The following STARD3NL variants were observed in gnomAD, a reference collection of about 807,000 sequenced individuals.
STARD3NL encodes the protein STARD3 N-terminal-like protein.
STARD3NL carries 17 observed loss-of-function variants against 30.9 expected under a neutral mutation model. That is an observed-to-expected ratio of 0.55 (90% CI 0.38 to 0.82). The LOEUF (loss-of-function observed/expected upper bound fraction) is 0.82, where lower values mean the gene tolerates loss of function less well. Ranked by LOEUF, STARD3NL falls within the 40% of genes least tolerant of loss-of-function variation. The pLI is 0.00. For synonymous variants in STARD3NL, 112 were observed against 100.5 expected, an observed-to-expected ratio of 1.11 and a Z score of -0.69; for missense variants, 234 against 277.6, an observed-to-expected ratio of 0.84 and a Z score of 1.12.
In STARD3NL at chr7:38,229,985, C is replaced by G. The variant is rs1284054264; in HGVS notation, c.*80C>G. ...GAGGCAGGCAGTGGAGTCTCCCTGTCGACAGTAAAGTTGAAATGGTGACGT... is the reference window on the plus strand; with the variant it reads ...GAGGCAGGCAGTGGAGTCTCCCTGTGGACAGTAAAGTTGAAATGGTGACGT... On this transcript the variant is annotated 3_prime_UTR_variant, in exon 9 of 9. Transcript: ENST00000009041. 6.6e-6 allele frequency: 1 copy of G among 152,596 alleles called. No homozygotes were observed. The highest frequency in any genetic ancestry group is 1.5e-5 in the Non-Finnish European group (1 of 68,042). The allele number at this position is 152,596 out of a possible 1,614,324, so 9.5% of individuals were successfully genotyped here.
chr7:38,189,110 C>T (rs1784579382), intron 1 of STARD3NL, among the ~76,000 whole-genome samples: 1 of 139,988 alleles, frequency 7.1e-6, no homozygotes, highest in African/African-American at 2.6e-5. Flanking sequence ...CTTTAACAGG[C>T]AGCCTTGGAT....
chr7:38,210,491 C>T (rs887909759), intron 2 of STARD3NL, among the ~76,000 whole-genome samples: 1 of 152,164 alleles, frequency 6.6e-6, no homozygotes, highest in Non-Finnish European at 1.5e-5. Context: ...CTCGGTGAGC[C>T]AGAGAAGCCT....
chr7:38,201,092 T>A (rs574698493), intron 1 of STARD3NL, among the ~76,000 whole-genome samples: 1 of 152,318 alleles, frequency 6.6e-6, no homozygotes, highest in South Asian at 2.1e-4. Context: ...ACCAATTAAT[T>A]CACTGGATTA....
At chr7:38,192,010 A>G (rs762765232) in intron 1 of STARD3NL, among the ~76,000 whole-genome samples, 5 of 152,194 alleles carry the variant, frequency 3.3e-5, no homozygotes, top group South Asian at 2.1e-4. Flanking sequence ...CTTCCAATCC[A>G]TGAACATGGT....
chr7:38,227,691 C>T (rs1786854684), intron 7 of STARD3NL, among the ~76,000 whole-genome samples: 1 of 151,966 alleles, frequency 6.6e-6, no homozygotes, highest in Non-Finnish European at 1.5e-5. Flanking sequence ...ATTCCTCTTC[C>T]CTGATTATGA....
chr7:38,186,312 A>AT (rs1345639198), intron 1 of STARD3NL, among the ~76,000 whole-genome samples: 5 of 151,936 alleles, frequency 3.3e-5, no homozygotes, highest in African/African-American at 4.9e-5. Flanking sequence ...GTATTGTGTG[A>AT]TTTTTTAGGA....
intron 1 of STARD3NL, among the ~76,000 whole-genome samples, chr7:38,186,325 G>A (rs1043345772): frequency 2.6e-4 from 40 of 152,166 alleles, no homozygotes; most frequent in African/African-American, 8.7e-4. Flanking sequence ...TTTTAGGACG[G>A]CTAAAAGTAG....
rs200261021 is a variant in STARD3NL, at chr7:38,219,672, G to T, written c.649+12G>T. 7.5e-6 allele frequency: 12 copies of T among 1,606,520 alleles called. No individual in the cohort carries two copies. In the African/African-American group the frequency reaches 9.4e-5, roughly 13 times the overall value. ...TGAATCCGAAGCAGGTAAAAAACTT[G>T]ATTATTATTTGTGCTTGTATCTCTC... On this transcript the variant is annotated intron_variant, in intron 7 of 8. Transcript: ENST00000009041.
chr7:38,212,005 C>G (rs546523170), intron 2 of STARD3NL, among the ~76,000 whole-genome samples: 35 of 152,250 alleles, frequency 2.3e-4, no homozygotes, highest in Admixed American at 9.8e-4. Flanking sequence ...TCCACTGTTT[C>G]CAGCTTCAAC....
chr7:38,223,985 G>A (rs1384604915), intron 7 of STARD3NL, among the ~76,000 whole-genome samples: 1 of 152,072 alleles, frequency 6.6e-6, no homozygotes, highest in Non-Finnish European at 1.5e-5. Flanking sequence ...CTAATCCTAA[G>A]TAACCACTGA....
At chr7:38,202,634 T>C (rs1260269662) in intron 1 of STARD3NL, among the ~76,000 whole-genome samples, 2 of 152,142 alleles carry the variant, frequency 1.3e-5, no homozygotes, top group Non-Finnish European at 2.9e-5. Context: ...GCAGGTTAGT[T>C]ACATATGTAT....
chr7:38,186,253 C>T (rs1167727403), intron 1 of STARD3NL, among the ~76,000 whole-genome samples: 1 of 152,062 alleles, frequency 6.6e-6, no homozygotes, highest in Non-Finnish European at 1.5e-5. Context: ...TCAAAATTGG[C>T]AAAAATAATG....
intron 7 of STARD3NL, 75 bp downstream of exon 7, chr7:38,219,735 C>T: frequency 1.6e-6 from 2 of 1,256,796 alleles, no homozygotes; most frequent in Non-Finnish European, 1.2e-6. Context: ...TCCCTACCCC[C>T]TCTGTTTCTC....
At chr7:38,192,231 G>C (rs1784717539) in intron 1 of STARD3NL, among the ~76,000 whole-genome samples, 1 of 152,052 alleles carries the variant, frequency 6.6e-6, no homozygotes, top group Admixed American at 6.6e-5. Flanking sequence ...TGAAGGAATT[G>C]GTAAATATAT....
At chr7:38,202,815 C>T (rs1251864466) in intron 1 of STARD3NL, among the ~76,000 whole-genome samples, 2 of 148,058 alleles carry the variant, frequency 1.4e-5, no homozygotes, top group Non-Finnish European at 3.0e-5. Context: ...TGAGTGAGAA[C>T]ATGCGGTGTT....
chr7:38,214,518 G>A, intron 3 of STARD3NL, 84 bp downstream of exon 3: 1 of 820,282 alleles, frequency 1.2e-6, no homozygotes, highest in Non-Finnish European at 1.9e-6. Flanking sequence ...CAAATTCCAT[G>A]CCCTTTTTTC....
intron 1 of STARD3NL, among the ~76,000 whole-genome samples, chr7:38,197,180 C>CTTTCTTTCTTTCTTTA: frequency 6.8e-6 from 1 of 147,574 alleles, no homozygotes; most frequent in East Asian, 2.0e-4. Context: ...TTCTTTCTTT[C>CTTTCTTTCTTTCTTTA]TTTCTTTCTT....
intron 1 of STARD3NL, among the ~76,000 whole-genome samples, chr7:38,202,777 A>G (rs1369800042): frequency 2.9e-5 from 4 of 136,582 alleles, no homozygotes; most frequent in Non-Finnish European, 4.6e-5. Context: ...CCTGTGTCCA[A>G]GTGTTCTCAT....
At chr7:38,222,784 A>G (rs1184026157) in intron 7 of STARD3NL, among the ~76,000 whole-genome samples, 1 of 152,214 alleles carries the variant, frequency 6.6e-6, no homozygotes, top group Non-Finnish European at 1.5e-5. Context: ...TTGACAAAAG[A>G]CAGGTTACTA....
Sources: gnomAD v4.1 joint callset for allele counts (sites outside exome capture counted in the v4.1 genomes callset) on GRCh38, gnomAD v4.1.1 for gene constraint, MANE v1.5 for transcripts, NCBI Gene and HGNC (gene_info 2026-07-23, HGNC 2026-07-21) for gene names.